The following MYT1L variants were observed in gnomAD, a reference collection of about 807,000 sequenced individuals.
MYT1L encodes myelin transcription factor 1-like protein.
Under a neutral mutation model 126.7 loss-of-function variants are expected in MYT1L, and 12 were observed. The ratio of observed to expected loss-of-function variants is 0.09; its 90% CI spans 0.06 to 0.15. The LOEUF is 0.15. Ranked by LOEUF, MYT1L falls within the 10% of genes least tolerant of loss-of-function variation. MYT1L has a pLI of 1.00. For synonymous variants in MYT1L, 541 were observed against 604.2 expected (o/e 0.90, Z 1.53); for missense variants, 979 against 1,585.2 (o/e 0.62, Z 6.49).
At chr2:2,233,832 G>A (rs1478833393) in intron 2 of MYT1L, among the ~76,000 whole-genome samples, 1 of 152,176 alleles carries the variant, frequency 6.6e-6, no homozygotes, top group Non-Finnish European at 1.5e-5. Flanking sequence ...TGCCAAGCTC[G>A]TGGCCTTTAA....
At chr2:2,006,256 G>A (rs1374901646) in intron 4 of MYT1L, among the ~76,000 whole-genome samples, 1 of 152,038 alleles carries the variant, frequency 6.6e-6, no homozygotes, top group East Asian at 1.9e-4. Context: ...TAAAAAAAAT[G>A]TTATCATGTA....
intron 3 of MYT1L, among the ~76,000 whole-genome samples, chr2:2,084,776 A>G (rs1432999564): frequency 6.6e-6 from 1 of 152,234 alleles, no homozygotes; most frequent in Non-Finnish European, 1.5e-5. Flanking sequence ...AAGTACTGGT[A>G]TAATTTGTTA....
chr2:2,264,539 A>G (rs11691390), intron 2 of MYT1L, among the ~76,000 whole-genome samples: 138,355 of 152,236 alleles, frequency 0.91, 62,947 homozygotes, highest in East Asian at 0.98. Flanking sequence ...GCTGAGCAGA[A>G]CAGTAAGGCA....
intron 1 of MYT1L, among the ~76,000 whole-genome samples, chr2:2,291,225 T>G (rs755546127): frequency 2.6e-5 from 4 of 152,172 alleles, no homozygotes; most frequent in Non-Finnish European, 5.9e-5. Context: ...GATTCTGGGT[T>G]TTAGCTACAA....
intron 3 of MYT1L, among the ~76,000 whole-genome samples, chr2:2,123,148 C>CT (rs1005706262): frequency 6.6e-6 from 1 of 152,128 alleles, no homozygotes; most frequent in African/African-American, 2.4e-5. Flanking sequence ...GGATGAAACT[C>CT]TGAAGGCTCA....
intron 21 of MYT1L, among the ~76,000 whole-genome samples, chr2:1,826,708 T>G (rs1392137015): frequency 6.6e-6 from 1 of 152,108 alleles, no homozygotes; most frequent in East Asian, 1.9e-4. Context: ...AGCGGAGGGC[T>G]CCCCTTGGAG....
chr2:2,231,359 A>G (rs539152049), intron 2 of MYT1L, among the ~76,000 whole-genome samples: 24 of 152,354 alleles, frequency 1.6e-4, no homozygotes, highest in African/African-American at 5.5e-4. Context: ...ATTACTAATT[A>G]ACAAACATTT....
At chr2:2,054,155 G>A (rs2069175572) in intron 3 of MYT1L, 32 bp from the exon 4 acceptor site, 1 of 152,674 alleles carries the variant, frequency 6.5e-6, no homozygotes, top group Admixed American at 6.5e-5. Flanking sequence ...GAATAATGAG[G>A]CTGATATTCA....
At chr2:2,263,266 G>T (rs1336252002) in intron 2 of MYT1L, among the ~76,000 whole-genome samples, 1 of 151,888 alleles carries the variant, frequency 6.6e-6, no homozygotes, top group Non-Finnish European at 1.5e-5. Context: ...AAATGGAAGA[G>T]AAGGGGAACC....
intron 3 of MYT1L, among the ~76,000 whole-genome samples, chr2:2,086,897 C>T (rs2076409469): frequency 6.6e-6 from 1 of 152,198 alleles, no homozygotes; most frequent in East Asian, 1.9e-4. Flanking sequence ...GGATGCCTGC[C>T]CCTCAGATGC....
intron 1 of MYT1L, among the ~76,000 whole-genome samples, chr2:2,296,850 C>T (rs936562546): frequency 3.9e-5 from 6 of 152,186 alleles, no homozygotes; most frequent in South Asian, 2.1e-4. Context: ...CAGGCCTCAC[C>T]GGTGTGTGCA....
chr2:1,892,849 G>A (rs1164472388), intron 14 of MYT1L, among the ~76,000 whole-genome samples: 1 of 152,228 alleles, frequency 6.6e-6, no homozygotes, highest in Admixed American at 6.5e-5. Flanking sequence ...GGGACCACGT[G>A]CTTTGGGAGG....
chr2:1,955,777 T>A (rs1271355608), intron 8 of MYT1L, among the ~76,000 whole-genome samples: 1 of 152,224 alleles, frequency 6.6e-6, no homozygotes, highest in Non-Finnish European at 1.5e-5. Context: ...TGTCCTGGGA[T>A]GCCTATATGG....
At chr2:1,967,703 G>A (rs373246324) in intron 8 of MYT1L, among the ~76,000 whole-genome samples, 6 of 152,302 alleles carry the variant, frequency 3.9e-5, no homozygotes, top group East Asian at 1.9e-4. Context: ...AGAAAAGGTC[G>A]TTCCAGGGTG....
chr2:2,139,254 G>A (rs915357286), intron 3 of MYT1L, among the ~76,000 whole-genome samples: 1 of 152,058 alleles, frequency 6.6e-6, no homozygotes, highest in Non-Finnish European at 1.5e-5. Flanking sequence ...CCTAAATTCA[G>A]CCATGAAATT....
intron 3 of MYT1L, among the ~76,000 whole-genome samples, chr2:2,093,648 C>T (rs1230018394): frequency 6.6e-6 from 1 of 152,106 alleles, no homozygotes; most frequent in African/African-American, 2.4e-5. Context: ...GTTGCCTGTT[C>T]ACTCTGATGG....
At chr2:1,972,409 A>G (rs2059877163) in intron 8 of MYT1L, among the ~76,000 whole-genome samples, 2 of 152,358 alleles carry the variant, frequency 1.3e-5, no homozygotes, top group Non-Finnish European at 1.5e-5. Context: ...TGAAATTTCT[A>G]TCTATGTGAA....
At chr2:1,835,713 C>A (rs2040789255) in intron 21 of MYT1L, among the ~76,000 whole-genome samples, 2 of 152,168 alleles carry the variant, frequency 1.3e-5, no homozygotes, top group East Asian at 3.9e-4. Context: ...ACGCCCAGAG[C>A]CCTGTGACAC....
intron 21 of MYT1L, chr2:1,828,021 C>G (rs1468434092): frequency 6.6e-6 from 1 of 152,214 alleles, no homozygotes; most frequent in Non-Finnish European, 1.5e-5. Context: ...ACCCAGCAGC[C>G]CTGGAGCAGC....
Sources: allele counts gnomAD v4.1 joint callset (sites outside exome capture counted in the v4.1 genomes callset), GRCh38; gene constraint gnomAD v4.1.1; transcripts MANE v1.5; gene names NCBI Gene and HGNC (gene_info 2026-07-23, HGNC 2026-07-21).